The following ZNF664 variants were observed in gnomAD, a reference collection of about 807,000 sequenced individuals.
ZNF664 encodes zinc finger protein 664.
In ZNF664, 10 loss-of-function variants were observed where a neutral mutation model predicts 18.2. That is an observed-to-expected ratio of 0.55 (90% CI 0.34 to 0.93). ZNF664 has a LOEUF of 0.93. ZNF664 is among the 40% of genes least tolerant of loss of function. The probability of loss-of-function intolerance (pLI) is 0.02; values close to 1 mark genes in which losing one functional copy is unlikely to be tolerated. For missense variants in ZNF664, 193 were observed against 319.0 expected (o/e 0.61, Z 3.01); for synonymous variants, 119 against 104.2 (o/e 1.14, Z -0.86).
At chr12:123,976,093 C>CA (rs1198649734) in intron 2 of ZNF664, among the ~76,000 whole-genome samples, 20 of 152,064 alleles carry the variant, frequency 1.3e-4, no homozygotes, top group Non-Finnish European at 1.0e-4. Flanking sequence ...GTGTGGCCAG[C>CA]AAAATCAACT....
intron 2 of ZNF664, among the ~76,000 whole-genome samples, chr12:123,980,639 A>G (rs1166269956): frequency 1.3e-5 from 2 of 152,288 alleles, no homozygotes; most frequent in South Asian, 2.1e-4. Flanking sequence ...AATGCTTATG[A>G]TAGTGTTAAG....
intron 2 of ZNF664, among the ~76,000 whole-genome samples, chr12:123,983,332 G>T (rs142552246): frequency 6.6e-6 from 1 of 152,258 alleles, no homozygotes; most frequent in Admixed American, 6.5e-5. Flanking sequence ...AATATAATTC[G>T]TATTGCTTTT....
At chr12:124,007,004 C>G (rs1411583782) in intron 3 of ZNF664, among the ~76,000 whole-genome samples, 1 of 152,182 alleles carries the variant, frequency 6.6e-6, no homozygotes, top group Non-Finnish European at 1.5e-5. Context: ...GGATTTACAG[C>G]TGCCTCTATC....
At chr12:123,987,505 C>T (rs796646894) in intron 2 of ZNF664, among the ~76,000 whole-genome samples, 3 of 152,266 alleles carry the variant, frequency 2.0e-5, no homozygotes, top group African/African-American at 7.2e-5. Context: ...CCTTAAATTA[C>T]CTTATCAGAT....
intron 3 of ZNF664, among the ~76,000 whole-genome samples, chr12:123,993,961 A>C (rs1431261250): frequency 6.6e-6 from 1 of 152,212 alleles, no homozygotes; most frequent in African/African-American, 2.4e-5. Flanking sequence ...CCAGAAACTA[A>C]GGTCTTGTAA....
chr12:124,008,304 C>T (rs1594574769), intron 3 of ZNF664, among the ~76,000 whole-genome samples: 1 of 152,148 alleles, frequency 6.6e-6, no homozygotes, highest in Non-Finnish European at 1.5e-5. Context: ...AGTCTTTTGA[C>T]AAGAATGTCT....
At chr12:124,000,416 C>T (rs148123619) in intron 3 of ZNF664, among the ~76,000 whole-genome samples, 14 of 152,292 alleles carry the variant, frequency 9.2e-5, no homozygotes, top group African/African-American at 3.1e-4. Flanking sequence ...TCATTCCTCT[C>T]GTGGAGCTTT....
In ZNF664 at chr12:124,012,748, T is replaced by G; in HGVS notation, c.604T>G (p.Cys202Gly). The G allele has an allele frequency of 1.2e-6, 2 of 1,609,220 alleles. No homozygotes were observed. The highest frequency in any genetic ancestry group is 1.7e-6 in the Non-Finnish European group (2 of 1,178,622). The change falls in exon 5 of 5, where the codon TGT becomes GGT. Residue 202 changes from cysteine (C) to glycine (G), a missense_variant. Physicochemically the swap from Cys to Gly is radical, Grantham distance 159. Coordinates refer to ENST00000337815, the MANE Select transcript of ZNF664 (RefSeq NM_152437.3). ...VHTGEKPYRC[C>G]GCGKAFSQSS... is the part of the protein sequence containing the mutation. ...CACTGGAGAGAAACCCTATAGATGT[T>G]GTGGATGTGGGAAGGCCTTCAGTCA...
chr12:124,012,050 A>G lies in ZNF664; in HGVS notation c.-95A>G. On this transcript the variant is annotated 5_prime_UTR_variant, in exon 5 of 5. An upstream start codon of the reference 5' UTR is lost. Transcript: ENST00000337815. ...AGCAAGCCTGAGATAGACTGCCAAA[A>G]TGGCCAAATAAGAGACTCTATGAAA... 6.8e-7 allele frequency: 1 copy of G among 1,478,002 alleles called. No homozygotes were observed. The highest frequency in any genetic ancestry group is 8.9e-7 in the Non-Finnish European group (1 of 1,123,052). The allele number at this position is 1,478,002 out of a possible 1,614,324, so 91.6% of individuals were successfully genotyped here.
At chr12:123,995,113 G>C (rs1290338529) in intron 3 of ZNF664, among the ~76,000 whole-genome samples, 2 of 152,238 alleles carry the variant, frequency 1.3e-5, no homozygotes, top group Non-Finnish European at 2.9e-5. Context: ...AGACAGTTGA[G>C]AGCATGATCT....
chr12:123,999,904 G>A (rs1956991809), intron 3 of ZNF664, among the ~76,000 whole-genome samples: 2 of 152,196 alleles, frequency 1.3e-5, no homozygotes, highest in South Asian at 4.1e-4. Context: ...AAGTTGGGGT[G>A]AGGTCACACA....
chr12:124,009,372 A>G (rs1272523152), intron 3 of ZNF664, among the ~76,000 whole-genome samples: 3 of 152,192 alleles, frequency 2.0e-5, no homozygotes, highest in Non-Finnish European at 4.4e-5. Context: ...CTATAGAAAC[A>G]TATGTTTCCA....
At chr12:124,010,688 C>A (rs889130417) in intron 3 of ZNF664, among the ~76,000 whole-genome samples, 4 of 152,230 alleles carry the variant, frequency 2.6e-5, no homozygotes, top group African/African-American at 9.7e-5. Context: ...CACAGTTCCT[C>A]CTTCATGGCA....
At chr12:124,008,899 C>T (rs76109581) in intron 3 of ZNF664, among the ~76,000 whole-genome samples, 1 of 151,934 alleles carries the variant, frequency 6.6e-6, no homozygotes, top group Non-Finnish European at 1.5e-5. Context: ...CCCAGCCATT[C>T]CTCCAAGGAC....
chr12:123,986,379 C>T (rs531638933), intron 2 of ZNF664, among the ~76,000 whole-genome samples: 2 of 152,306 alleles, frequency 1.3e-5, no homozygotes, highest in African/African-American at 4.8e-5. Context: ...CACGGCATCA[C>T]TCATTTCTTT....
At position 124,013,920 on chromosome 12, in the gene ZNF664, CTTT is replaced by C. The variant is rs1175413797; in HGVS notation, c.*991_*993del. The C allele has an allele frequency of 1.2e-5, 2 of 167,032 alleles. No homozygotes were observed. The highest frequency in any genetic ancestry group is 2.9e-5 in the Non-Finnish European group (2 of 68,130). The allele number at this position is 167,032 out of a possible 1,614,324, so 10.3% of individuals were successfully genotyped here. ...CTTCATTGATTACTGTGTATCAGTTCTTTGTTAGGCATGAACGTCTTTATTAAT... is the reference window on the plus strand; with the variant it reads ...CTTCATTGATTACTGTGTATCAGTTCGTTAGGCATGAACGTCTTTATTAAT... On this transcript the variant is annotated 3_prime_UTR_variant, in exon 5 of 5. Transcript: ENST00000337815.
At chr12:123,981,555 G>A (rs77968302) in intron 2 of ZNF664, among the ~76,000 whole-genome samples, 8,619 of 152,252 alleles carry the variant, frequency 0.057, 382 homozygotes, top group South Asian at 0.15. Context: ...GTCACCAGAT[G>A]TGGTCCTGGG....
chr12:124,004,940 G>C (rs1055212374), intron 3 of ZNF664: 1 of 172,630 alleles, frequency 5.8e-6, no homozygotes. Context: ...ATTATGGTAA[G>C]TTGTATAATT....
intron 2 of ZNF664, among the ~76,000 whole-genome samples, chr12:123,985,861 C>T (rs1956818552): frequency 6.6e-6 from 1 of 152,172 alleles, no homozygotes; most frequent in African/African-American, 2.4e-5. Flanking sequence ...ACCCATGTCC[C>T]ACATAAAATT....
Sources: allele counts gnomAD v4.1 joint callset (sites outside exome capture counted in the v4.1 genomes callset), GRCh38; gene constraint gnomAD v4.1.1; transcripts MANE v1.5; gene names NCBI Gene and HGNC (gene_info 2026-07-23, HGNC 2026-07-21).